Variants in WASHC4 observed in about 807,000 individuals in gnomAD.
The protein encoded by WASHC4 is WASH complex subunit 4.
A neutral mutation model predicts 166.6 loss-of-function variants in WASHC4; 86 were observed. That is an observed-to-expected ratio of 0.52 (90% CI 0.43 to 0.62). WASHC4 has a LOEUF of 0.62. Ranked by LOEUF, WASHC4 falls within the 20% of genes least tolerant of loss-of-function variation. WASHC4 has a pLI of 0.00. For synonymous variants in WASHC4, 446 were observed against 451.6 expected (o/e 0.99, Z 0.16); for missense variants, 1,262 against 1,382.4 (o/e 0.91, Z 1.38).
chr12:105,159,763 ATTATT>A (rs1566029969), intron 28 of WASHC4, among the ~76,000 whole-genome samples: 1 of 152,230 alleles, frequency 6.6e-6, no homozygotes, highest in Non-Finnish European at 1.5e-5. Flanking sequence ...ATACAGAACT[ATTATT>A]TTAAGTCCCA....
chr12:105,145,386 TA>T (rs1883210844), intron 22 of WASHC4, among the ~76,000 whole-genome samples: 1 of 151,104 alleles, frequency 6.6e-6, no homozygotes, highest in African/African-American at 2.5e-5. Context: ...TAATTTATGT[TA>T]TCAGATAATT....
Position 105,157,298 on chromosome 12 carries a change from CA to C in WASHC4, c.2889del (p.Glu964LysfsTer4). The part of the protein sequence containing the change: ...FEELVKEEGL[A>X]EETLKAARHL... ...GAACTAGTAAAAGAAGAAGGTCTTG[CA>C]GAAGAAACATTAAAAGCAGCAAGGT... On this transcript the variant is annotated frameshift_variant, in exon 28 of 33. Coordinates refer to ENST00000332180, the MANE Select transcript of WASHC4 (RefSeq NM_015275.3). LOFTEE classifies it high-confidence loss of function. 6.4e-7 allele frequency: 1 copy of C among 1,553,822 alleles called. No homozygotes were observed. Among genetic ancestry groups the C allele is most frequent in the Non-Finnish European group, 8.9e-7 (1 of 1,129,772 alleles).
intron 10 of WASHC4, among the ~76,000 whole-genome samples, chr12:105,124,086 A>G (rs138604635): frequency 2.0e-3 from 301 of 151,966 alleles, no homozygotes; most frequent in African/African-American, 7.0e-3. Flanking sequence ...GCTATTGCAT[A>G]CTTAATATAC....
At chr12:105,120,241 G>T (rs955692747) in intron 7 of WASHC4, among the ~76,000 whole-genome samples, 4 of 152,128 alleles carry the variant, frequency 2.6e-5, no homozygotes, top group South Asian at 4.1e-4. Context: ...GTTTCAATGG[G>T]TAAGGTTATT....
intron 26 of WASHC4, among the ~76,000 whole-genome samples, chr12:105,155,401 A>G (rs1884062633): frequency 6.6e-6 from 1 of 151,932 alleles, no homozygotes; most frequent in Non-Finnish European, 1.5e-5. Flanking sequence ...ATTCGTTCAC[A>G]TTTTTGAGAA....
chr12:105,137,398 G>T (rs1882421422), intron 14 of WASHC4, among the ~76,000 whole-genome samples: 1 of 152,088 alleles, frequency 6.6e-6, no homozygotes, highest in African/African-American at 2.4e-5. Context: ...GACTTGGCTT[G>T]GAACTCAAAA....
chr12:105,156,089 A>C (rs1480653909), intron 26 of WASHC4, among the ~76,000 whole-genome samples: 1 of 152,148 alleles, frequency 6.6e-6, no homozygotes, highest in Non-Finnish European at 1.5e-5. Context: ...AGTCAATATA[A>C]TTTGCCCAGT....
chr12:105,128,092 A>G lies in WASHC4; in HGVS notation c.1199+803A>G, dbSNP rs926689184. Among the ~76,000 whole-genome samples, 11 of 152,174 alleles carry G rather than the reference A, an allele frequency of 7.2e-5. 1 individual carries two copies. Among genetic ancestry groups the G allele is most frequent in the Admixed American group, 5.2e-4 (8 of 15,282 alleles). On this transcript the variant is annotated intron_variant, in intron 13 of 32. Transcript: ENST00000332180. ...CAGATTTTTGTTTGTGATATGGCTA[A>G]AGATGTAATGGGGATACTTACCTAC... is the stretch of plus-strand genomic sequence containing the variant.
intron 29 of WASHC4, among the ~76,000 whole-genome samples, chr12:105,160,813 AAC>A (rs752085619): frequency 6.6e-6 from 1 of 152,168 alleles, no homozygotes; most frequent in African/African-American, 2.4e-5. Context: ...AGTTTTTTCT[AAC>A]ACATTTCTTA....
Position 105,168,001 on chromosome 12 carries a change from A to G in WASHC4, c.*1070A>G, listed in dbSNP as rs935107942. 1.3e-5 allele frequency: 2 copies of G among 152,272 alleles called. No homozygotes were observed. The highest frequency in any genetic ancestry group is 2.4e-5 in the African/African-American group (1 of 41,448). The allele number at this position is 152,272 out of a possible 1,614,324, so 9.4% of individuals were successfully genotyped here. ...TATGTAAGTTATTAAATGGTTAATC[A>G]TGGCCTTTTAAAAATAAAATAAAGT... is the stretch of plus-strand genomic sequence containing the variant. On this transcript the variant is annotated 3_prime_UTR_variant, in exon 33 of 33. Coordinates refer to ENST00000332180, the MANE Select transcript of WASHC4 (RefSeq NM_015275.3).
intron 13 of WASHC4, among the ~76,000 whole-genome samples, chr12:105,128,501 A>G (rs1051264327): frequency 6.6e-6 from 1 of 152,192 alleles, no homozygotes; most frequent in Non-Finnish European, 1.5e-5. Flanking sequence ...TAACTCTAAT[A>G]CCCAGGTTGT....
At chr12:105,124,057 A>G (rs981430175) in intron 10 of WASHC4, among the ~76,000 whole-genome samples, 2 of 151,942 alleles carry the variant, frequency 1.3e-5, no homozygotes, top group African/African-American at 2.4e-5. Context: ...TAATTAATAT[A>G]CTTTTTTTTA....
intron 26 of WASHC4, among the ~76,000 whole-genome samples, chr12:105,153,471 AC>A (rs2135823974): frequency 6.6e-6 from 1 of 152,368 alleles, no homozygotes; most frequent in South Asian, 2.1e-4. Flanking sequence ...TTTATTATAA[AC>A]CATTCAATAT....
At chr12:105,116,557 A>G (rs1196800) in intron 6 of WASHC4, among the ~76,000 whole-genome samples, 133,661 of 152,138 alleles carry the variant, frequency 0.88, 59,004 homozygotes, top group East Asian at 1. Context: ...TACAACATGA[A>G]GATTACAGGT....
chr12:105,151,166 AAAAAG>A (rs1423729974), intron 25 of WASHC4, among the ~76,000 whole-genome samples: 2 of 151,580 alleles, frequency 1.3e-5, no homozygotes, highest in African/African-American at 2.4e-5. Flanking sequence ...AAAAAAAAAA[AAAAAG>A]AACGCCGTTT....
chr12:105,115,487 AATT>A (rs1880093297), intron 5 of WASHC4, among the ~76,000 whole-genome samples, 171 bp from the exon 6 acceptor site: 1 of 152,012 alleles, frequency 6.6e-6, no homozygotes, highest in Non-Finnish European at 1.5e-5. Context: ...AAATACTTCT[AATT>A]ATTTGATTAA....
At chr12:105,119,257 G>A (rs1028262977) in intron 7 of WASHC4, among the ~76,000 whole-genome samples, 5 of 152,100 alleles carry the variant, frequency 3.3e-5, no homozygotes, top group Admixed American at 6.5e-5. Flanking sequence ...CAAGAAAAAC[G>A]ATCACATTTT....
At chr12:105,146,697 C>T (rs551973717) in intron 23 of WASHC4, among the ~76,000 whole-genome samples, 171 bp downstream of exon 23, 14 of 151,904 alleles carry the variant, frequency 9.2e-5, no homozygotes, top group Admixed American at 2.0e-4. Context: ...ATCTTTTATT[C>T]GAAATGTTTA....
rs1395242936 is a variant in WASHC4 at position 105,168,466 on chromosome 12, T to C, written c.*1535T>C. On this transcript the variant is annotated 3_prime_UTR_variant, in exon 33 of 33. Transcript: ENST00000332180. ...AGTGTTTATATTAATGATCTTGCAT[T>C]TGATTATATCAAATTCGTCATTTCA... 6.6e-6 allele frequency: 1 copy of C among 152,456 alleles called. No individual in the cohort carries two copies. The highest frequency in any genetic ancestry group is 6.6e-5 in the Admixed American group (1 of 15,256). 9.4% of individuals were successfully genotyped at this position (152,456 alleles called of 1,614,324 possible).
Sources: gnomAD v4.1 joint callset for allele counts (sites outside exome capture counted in the v4.1 genomes callset) on GRCh38, gnomAD v4.1.1 for gene constraint, MANE v1.5 for transcripts, NCBI Gene and HGNC (gene_info 2026-07-23, HGNC 2026-07-21) for gene names.